PHACTR3: variants seen among roughly 807,000 people sequenced by gnomAD.
PHACTR3 encodes the protein protein phosphatase 1, regulatory subunit 123.
PHACTR3 carries 16 observed loss-of-function variants against 66.8 expected under a neutral mutation model. The ratio of observed to expected loss-of-function variants is 0.24; its 90% CI spans 0.16 to 0.36. PHACTR3 has a LOEUF of 0.36. PHACTR3 is among the 10% of genes least tolerant of loss of function. The pLI, the probability that PHACTR3 is intolerant of heterozygous loss-of-function variation, is 1.00. For missense variants in PHACTR3, 647 were observed against 719.9 expected, an observed-to-expected ratio of 0.90 and a Z score of 1.16; for synonymous variants, 323 against 292.1, an observed-to-expected ratio of 1.11 and a Z score of -1.08.
At chr20:59,713,279 T>G (rs993980238) in intron 1 of PHACTR3, among the ~76,000 whole-genome samples, 3 of 152,250 alleles carry the variant, frequency 2.0e-5, no homozygotes, top group African/African-American at 7.2e-5. Context: ...TATCTGGTAC[T>G]TCTTGTGTTT....
intron 1 of PHACTR3, among the ~76,000 whole-genome samples, chr20:59,589,423 C>T (rs2033127174): frequency 6.6e-6 from 1 of 152,176 alleles, no homozygotes; most frequent in South Asian, 2.1e-4. Context: ...TAGGTTTGTA[C>T]AGGTTGATTC....
At chr20:59,603,172 C>G (rs6026992), upstream of PHACTR3, among the ~76,000 whole-genome samples, 16,536 of 152,180 alleles carry the variant, frequency 0.11, 1,231 homozygotes, top group East Asian at 0.35. Flanking sequence ...TAATTGCCAA[C>G]TGTAATTAAA....
At chr20:59,586,445 C>T (rs1232969242) in intron 1 of PHACTR3, among the ~76,000 whole-genome samples, 1 of 152,044 alleles carries the variant, frequency 6.6e-6, no homozygotes, top group Admixed American at 6.5e-5. Flanking sequence ...GGTGCATGTT[C>T]GATTTCTATT....
At chr20:59,774,168 A>C in intron 6 of PHACTR3, 75 bp from the exon 7 acceptor site, 1 of 1,507,206 alleles carries the variant, frequency 6.6e-7, no homozygotes, top group Non-Finnish European at 8.9e-7. Flanking sequence ...TATTCATTAT[A>C]AGCTCCAAAG....
intron 8 of PHACTR3, among the ~76,000 whole-genome samples, chr20:59,822,608 G>A (rs2042081548): frequency 6.6e-6 from 1 of 152,068 alleles, no homozygotes; most frequent in Non-Finnish European, 1.5e-5. Flanking sequence ...GTCTGGGTCC[G>A]GTGGAAATGG....
intron 11 of PHACTR3, 39 bp downstream of exon 11, chr20:59,841,574 TATA>T: frequency 2.5e-6 from 4 of 1,582,646 alleles, no homozygotes; most frequent in Non-Finnish European, 3.4e-6. Flanking sequence ...TGTTGGATGA[TATA>T]ATAAAGGCAA....
chr20:59,707,396 T>G (rs1007579697), intron 1 of PHACTR3, among the ~76,000 whole-genome samples: 5 of 151,964 alleles, frequency 3.3e-5, no homozygotes, highest in Admixed American at 2.0e-4. Context: ...GATGAGTTCC[T>G]GACAGCTGGT....
intron 8 of PHACTR3, among the ~76,000 whole-genome samples, chr20:59,809,113 G>A (rs926625442): frequency 5.3e-5 from 8 of 152,062 alleles, no homozygotes; most frequent in Admixed American, 6.5e-5. Context: ...GTTGTTTCTG[G>A]TCTCCGCTGG....
chr20:59,700,206 A>T (rs1180075311), intron 1 of PHACTR3, among the ~76,000 whole-genome samples: 1 of 152,130 alleles, frequency 6.6e-6, no homozygotes, highest in East Asian at 1.9e-4. Flanking sequence ...ATGGAGATGG[A>T]TGTTGGTCTT....
chr20:59,722,094 T>C (rs954240976), intron 1 of PHACTR3, among the ~76,000 whole-genome samples: 4 of 152,014 alleles, frequency 2.6e-5, no homozygotes, highest in African/African-American at 9.7e-5. Flanking sequence ...TAGCCGGGTG[T>C]GGTGGCGGGC....
Position 59,604,568 on chromosome 20 carries a change from T to A in PHACTR3, c.-447T>A. 2.4e-6 allele frequency: 2 copies of A among 826,586 alleles called. No homozygotes were observed. Among genetic ancestry groups the A allele is most frequent in the Non-Finnish European group, 2.9e-6 (2 of 694,608 alleles). The allele number at this position is 826,586 out of a possible 1,614,324, so 51.2% of individuals were successfully genotyped here. A position where few individuals can be genotyped will look rare whatever the true frequency, so the allele number is the denominator to read the frequency against. ...TTAAAGCAATTGCAAGAGCAAAGAT[T>A]CTTCCTTTTCCCTTTTTTCCTGGGG... On this transcript the variant is annotated 5_prime_UTR_variant, in exon 1 of 13. Coordinates refer to ENST00000371015, the MANE Select transcript of PHACTR3 (RefSeq NM_080672.5).
At position 59,771,710 on chromosome 20, in the gene PHACTR3, G is replaced by A. The variant is rs547669188; in HGVS notation, c.752-1569G>A. 4.6e-5 allele frequency among the ~76,000 whole-genome samples: 7 copies of A among 152,314 alleles called. No homozygotes were observed. In the East Asian group the frequency reaches 1.4e-3, roughly 29 times the overall value. ...CTCTGTCTGTCTCCACCAGCTGACG[G>A]CAGGGCCTGGCCCGTTTCCCTGTGG... is the stretch of plus-strand genomic sequence containing the variant. On this transcript the variant is annotated intron_variant, in intron 5 of 12. Transcript: ENST00000371015.
chr20:59,603,287 T>G (rs2146328455), upstream of PHACTR3, among the ~76,000 whole-genome samples: 1 of 152,298 alleles, frequency 6.6e-6, no homozygotes, highest in East Asian at 1.9e-4. Flanking sequence ...GTTTGTGCAC[T>G]GCTAGGTCCC....
chr20:59,832,549 G>A (rs538517189), intron 8 of PHACTR3, among the ~76,000 whole-genome samples: 2 of 152,192 alleles, frequency 1.3e-5, no homozygotes, highest in Non-Finnish European at 2.9e-5. Flanking sequence ...CTCCATCTCT[G>A]TTGGACAGAA....
intron 4 of PHACTR3, among the ~76,000 whole-genome samples, chr20:59,756,676 CTT>C (rs143052000): frequency 6.8e-6 from 1 of 147,006 alleles, no homozygotes; most frequent in Non-Finnish European, 1.5e-5. Context: ...TGGCGTGGTT[CTT>C]TTTTTTTTTA....
chr20:59,798,957 C>T (rs975185231), intron 7 of PHACTR3, among the ~76,000 whole-genome samples: 8 of 151,894 alleles, frequency 5.3e-5, no homozygotes, highest in Non-Finnish European at 1.0e-4. Flanking sequence ...TTATAAATTT[C>T]CCTGTTACCA....
intron 1 of PHACTR3, among the ~76,000 whole-genome samples, chr20:59,607,241 T>C (rs961283239): frequency 6.6e-6 from 1 of 152,206 alleles, no homozygotes; most frequent in South Asian, 2.1e-4. Context: ...TCAGTCCTGA[T>C]GGGATCTTCT....
intron 1 of PHACTR3, among the ~76,000 whole-genome samples, chr20:59,684,450 T>G (rs1390778519): frequency 6.6e-6 from 1 of 152,102 alleles, no homozygotes; most frequent in African/African-American, 2.4e-5. Flanking sequence ...TGCAGAACCT[T>G]CTCTTTGTGG....
chr20:59,815,812 A>C (rs2041871502), intron 8 of PHACTR3, among the ~76,000 whole-genome samples: 1 of 152,064 alleles, frequency 6.6e-6, no homozygotes, highest in Non-Finnish European at 1.5e-5. Flanking sequence ...GGGTCTGCGA[A>C]CTGGATGAGA....
Sources: gnomAD v4.1 joint callset for allele counts (sites outside exome capture counted in the v4.1 genomes callset) on GRCh38, gnomAD v4.1.1 for gene constraint, MANE v1.5 for transcripts, NCBI Gene and HGNC (gene_info 2026-07-23, HGNC 2026-07-21) for gene names.